The following AP4S1 variants were observed in gnomAD, a reference collection of about 807,000 sequenced individuals.
The protein encoded by AP4S1 is adaptor related protein complex 4 subunit sigma 1, also known as AP-4 complex subunit sigma-1.
A neutral mutation model predicts 19.8 loss-of-function variants in AP4S1; 23 were observed. The ratio of observed to expected loss-of-function variants is 1.16; its 90% confidence interval spans 0.84 to 1.65. AP4S1 has a LOEUF of 1.65. AP4S1 is among the 40% of genes most tolerant of loss of function. The probability of loss-of-function intolerance (pLI) is 0.00; values close to 1 mark genes in which losing one functional copy is unlikely to be tolerated. For synonymous variants in AP4S1, 46 were observed against 54.1 expected (o/e 0.85, Z 0.66); for missense variants, 166 against 172.8 (o/e 0.96, Z 0.22).
intron 2 of AP4S1, among the ~76,000 whole-genome samples, chr14:31,069,410 C>T (rs964522492): frequency 6.6e-6 from 1 of 152,138 alleles, no homozygotes; most frequent in Non-Finnish European, 1.5e-5. Flanking sequence ...GTATTTGGCT[C>T]CTCAATGACT....
At chr14:31,041,629 C>T (rs1253641995) in intron 1 of AP4S1, among the ~76,000 whole-genome samples, 1 of 152,150 alleles carries the variant, frequency 6.6e-6, no homozygotes, top group Admixed American at 6.5e-5. Context: ...AATCTCTGGT[C>T]CCCACTGCCT....
chr14:31,050,406 C>G (rs943755986), intron 1 of AP4S1, among the ~76,000 whole-genome samples: 1 of 152,084 alleles, frequency 6.6e-6, no homozygotes, highest in African/African-American at 2.4e-5. Flanking sequence ...GTTACCCCAT[C>G]TTCACTTTAA....
chr14:31,053,617 T>C (rs1885939576), intron 1 of AP4S1, among the ~76,000 whole-genome samples: 1 of 127,454 alleles, frequency 7.8e-6, no homozygotes, highest in Admixed American at 8.2e-5. Flanking sequence ...TTTTTTTTTT[T>C]TGTAGAGACA....
chr14:31,044,336 A>G (rs1885272984), intron 1 of AP4S1, among the ~76,000 whole-genome samples: 1 of 151,870 alleles, frequency 6.6e-6, no homozygotes, highest in Non-Finnish European at 1.5e-5. Context: ...GAAACACATT[A>G]TATGTCTGGT....
chr14:31,044,906 A>ATT (rs111624797), intron 1 of AP4S1, among the ~76,000 whole-genome samples: 6 of 144,338 alleles, frequency 4.2e-5, no homozygotes, highest in African/African-American at 7.6e-5. Context: ...GTTTTCTATA[A>ATT]TTTTTTTTTT....
intron 4 of AP4S1, among the ~76,000 whole-genome samples, chr14:31,080,295 A>T (rs989453191): frequency 6.6e-6 from 1 of 152,234 alleles, no homozygotes. Flanking sequence ...CAAATTACCT[A>T]CATCTGTAAA....
intron 5 of AP4S1, among the ~76,000 whole-genome samples, chr14:31,082,764 C>T (rs920407997): frequency 5.3e-5 from 8 of 152,162 alleles, no homozygotes; most frequent in Non-Finnish European, 1.0e-4. Flanking sequence ...GGCGCGGTGG[C>T]GGGCGCCTGT....
chr14:31,085,502 A>T (rs190475015), intron 5 of AP4S1: 1 of 986,024 alleles, frequency 1.0e-6, no homozygotes, highest in African/African-American at 1.7e-5. Flanking sequence ...GACCGGGCAC[A>T]GTGGCTCACG....
intron 4 of AP4S1, among the ~76,000 whole-genome samples, chr14:31,076,586 G>A (rs576656874): frequency 5.9e-5 from 9 of 152,128 alleles, no homozygotes; most frequent in Non-Finnish European, 1.0e-4. Flanking sequence ...TATATGATTT[G>A]AAAATATTTT....
chr14:31,076,821 C>T (rs1887383160), intron 4 of AP4S1, among the ~76,000 whole-genome samples: 1 of 152,198 alleles, frequency 6.6e-6, no homozygotes, highest in South Asian at 2.1e-4. Flanking sequence ...GTTCGAAACT[C>T]ACCAGTCTTT....
rs1886723534 is a variant in AP4S1, at chr14:31,066,466, G to A, written c.138+132G>A. 1.7e-5 allele frequency: 21 copies of A among 1,262,384 alleles called. No homozygotes were observed. The South Asian group carries it at 2.0e-4, about 12-fold the overall frequency. 78.2% of individuals were successfully genotyped at this position (1,262,384 alleles called of 1,614,324 possible). The stretch of plus-strand genomic sequence containing the variant: ...ACAGCTACTAAAGAAAATAAGTGAT[G>A]TGAAATGAAAAACTGAAAGAAGCAT... On this transcript the variant is annotated intron_variant, in intron 2 of 5. Transcript: ENST00000542754.
At chr14:31,062,981 A>AT (rs1371824187) in intron 1 of AP4S1, among the ~76,000 whole-genome samples, 1 of 151,552 alleles carries the variant, frequency 6.6e-6, no homozygotes, top group Non-Finnish European at 1.5e-5. Flanking sequence ...AAAAAAAAAA[A>AT]AATCACTAGG....
At chr14:31,053,589 C>CTTTTTTTTTTTTTTTTTTTTTTTTTTTT (rs758966011) in intron 1 of AP4S1, among the ~76,000 whole-genome samples, 1 of 71,112 alleles carries the variant, frequency 1.4e-5, no homozygotes, top group African/African-American at 5.8e-5. Context: ...TGACTTTTTT[C>CTTTTTTTTTTTTTTTTTTTTTTTTTTTT]TTTTTTTTTT....
At chr14:31,036,165 C>T (rs371533878) in intron 1 of AP4S1, among the ~76,000 whole-genome samples, 4 of 149,160 alleles carry the variant, frequency 2.7e-5, no homozygotes, top group Non-Finnish European at 5.9e-5. Flanking sequence ...TGTTGCATCA[C>T]GAATTAGTAA....
At chr14:31,031,021 ATCATGGGGACGG>A (rs367914154) in intron 1 of AP4S1, among the ~76,000 whole-genome samples, 1 of 152,226 alleles carries the variant, frequency 6.6e-6, no homozygotes, top group African/African-American at 2.4e-5. Context: ...AGGTTATTGG[ATCATGGGGACGG>A]TTTCCCCCAT....
intron 1 of AP4S1, among the ~76,000 whole-genome samples, chr14:31,032,447 T>C (rs1884454577): frequency 6.6e-6 from 1 of 152,068 alleles, no homozygotes; most frequent in Non-Finnish European, 1.5e-5. Flanking sequence ...GTTATTACAA[T>C]ACCTGATGTT....
chr14:31,084,441 T>C (rs1887817990), intron 5 of AP4S1, among the ~76,000 whole-genome samples: 1 of 152,194 alleles, frequency 6.6e-6, no homozygotes, highest in Non-Finnish European at 1.5e-5. Flanking sequence ...GCAAGACAGA[T>C]TGGATTTTAA....
In AP4S1 at chr14:31,094,435, A is replaced by C. The variant is rs1888151751; in HGVS notation, c.*1400A>C. 6.6e-6 allele frequency: 1 copy of C among 152,226 alleles called. No individual in the cohort carries two copies. Among genetic ancestry groups the C allele is most frequent in the Non-Finnish European group, 1.5e-5 (1 of 68,162 alleles). The allele number at this position is 152,226 out of a possible 1,614,324, so 9.4% of individuals were successfully genotyped here. A position where few individuals can be genotyped will look rare whatever the true frequency, so the allele number is the denominator to read the frequency against. The stretch of plus-strand genomic sequence containing the variant: ...GGCAACATAGACCTCATCTCTACAA[A>C]AAATGCAAAAATCAGCCGGGTGTGG... On this transcript the variant is annotated 3_prime_UTR_variant, in exon 6 of 6. Transcript: ENST00000542754.
intron 1 of AP4S1, among the ~76,000 whole-genome samples, chr14:31,030,007 A>G (rs186574407): frequency 1.4e-5 from 2 of 147,486 alleles, no homozygotes; most frequent in Non-Finnish European, 3.0e-5. Flanking sequence ...TTGAGACTGG[A>G]TCTCACTCTG....
Sources: gnomAD v4.1 joint callset for allele counts (sites outside exome capture counted in the v4.1 genomes callset) on GRCh38, gnomAD v4.1.1 for gene constraint, MANE v1.5 for transcripts, NCBI Gene and HGNC (gene_info 2026-07-23, HGNC 2026-07-21) for gene names.